FMO1: variants seen among roughly 807,000 people sequenced by gnomAD.
FMO1 encodes flavin containing dimethylaniline monoxygenase 1, also known as flavin-containing monooxygenase 1.
Under a neutral mutation model 45.4 loss-of-function variants are expected in FMO1, and 36 were observed. The observed-to-expected ratio is 0.79, with a 90% CI of 0.61 to 1.05. The LOEUF (loss-of-function observed/expected upper bound fraction) is 1.05. FMO1 is among the 50% of genes least tolerant of loss of function. FMO1 has a pLI of 0.00. For synonymous variants in FMO1, 228 were observed against 227.2 expected, an observed-to-expected ratio of 1.00 and a Z score of -0.03; for missense variants, 615 against 640.3, an observed-to-expected ratio of 0.96 and a Z score of 0.43.
intron 7 of FMO1, chr1:171,282,614 T>A (rs1043517814): frequency 3.0e-4 from 89 of 295,498 alleles, no homozygotes; most frequent in Admixed American, 1.0e-3. Flanking sequence ...TTTTTTCTTT[T>A]TTATTTTTAA....
intron 1 of FMO1, among the ~76,000 whole-genome samples, chr1:171,249,229 A>T (rs1165200815): frequency 6.6e-6 from 1 of 152,162 alleles, no homozygotes; most frequent in African/African-American, 2.4e-5. Context: ...TGCTCCAGTT[A>T]AATTCACAAG....
intron 1 of FMO1, among the ~76,000 whole-genome samples, chr1:171,249,283 G>T (rs1659771821): frequency 1.3e-5 from 2 of 152,054 alleles, no homozygotes; most frequent in Admixed American, 1.3e-4. Context: ...AGATATTCAG[G>T]TCTATGCCAT....
intron 4 of FMO1, among the ~76,000 whole-genome samples, chr1:171,277,694 C>G (rs1661165130): frequency 1.3e-5 from 2 of 152,206 alleles, no homozygotes; most frequent in African/African-American, 4.8e-5. Context: ...CAACAGTTCT[C>G]TGATCCATAT....
At chr1:171,256,159 G>A (rs1270749771) in intron 1 of FMO1, among the ~76,000 whole-genome samples, 1 of 150,822 alleles carries the variant, frequency 6.6e-6, no homozygotes, top group Non-Finnish European at 1.5e-5. Context: ...TGTAGTCCCA[G>A]CTATTCAGGA....
intron 1 of FMO1, 100 bp from the exon 2 acceptor site, chr1:171,257,982 A>T: frequency 7.3e-7 from 1 of 1,376,696 alleles, no homozygotes; most frequent in South Asian, 1.2e-5. Context: ...AAACTGAGCA[A>T]ATCGCCTAAT....
rs1301142010 is a variant in FMO1, at chr1:171,249,961, C to T, written c.-7+1338C>T. ...ATAAACTCGGAAAATAAAACTCTTGCCCAGAAGTTTTCAACTTTCTAGGTT... is the reference window on the plus strand; with the variant it reads ...ATAAACTCGGAAAATAAAACTCTTGTCCAGAAGTTTTCAACTTTCTAGGTT... On this transcript the variant is annotated intron_variant, in intron 1 of 8. Transcript: ENST00000617670. 3.3e-5 allele frequency among the ~76,000 whole-genome samples: 5 copies of T among 152,022 alleles called. No homozygotes were observed. The East Asian group carries it at 9.6e-4, about 29-fold the overall frequency.
intron 2 of FMO1, among the ~76,000 whole-genome samples, chr1:171,262,526 G>A (rs1255830021): frequency 1.3e-5 from 2 of 152,088 alleles, no homozygotes; most frequent in Non-Finnish European, 2.9e-5. Flanking sequence ...AACAAACATT[G>A]ATTGAAACCC....
intron 2 of FMO1, among the ~76,000 whole-genome samples, chr1:171,258,513 C>T (rs531989028): frequency 2.3e-4 from 35 of 152,172 alleles, no homozygotes; most frequent in Non-Finnish European, 3.7e-4. Context: ...GCCAGGAAAG[C>T]CTAGGAGCAA....
intron 1 of FMO1, among the ~76,000 whole-genome samples, chr1:171,250,605 C>G (rs1558000262): frequency 6.6e-6 from 1 of 152,034 alleles, no homozygotes; most frequent in African/African-American, 2.4e-5. Context: ...ATAAAATTCA[C>G]AAAAAAGCAT....
chr1:171,282,786 G>C, intron 7 of FMO1: 1 of 256,708 alleles, frequency 3.9e-6, no homozygotes, highest in Non-Finnish European at 7.3e-6. Context: ...ACAGCTACCT[G>C]TTATTTTGAC....
chr1:171,281,967 T>G lies in FMO1; in HGVS notation c.828-11T>G. ...CTGACAAGTCTCCTCCCTGTTCATG[T>G]TTTTGTTTAGGACTCAGCTGAAAGA... On this transcript the variant is annotated splice_polypyrimidine_tract_variant and intron_variant, in intron 6 of 8. Coordinates refer to ENST00000617670, the MANE Select transcript of FMO1 (RefSeq NM_001282693.2). 2 of 1,554,662 alleles carry G rather than the reference T, an allele frequency of 1.3e-6. No individual in the cohort carries two copies. Among genetic ancestry groups the G allele is most frequent in the South Asian group, 2.3e-5 (2 of 85,700 alleles).
chr1:171,254,759 T>C (rs1158423113), intron 1 of FMO1, among the ~76,000 whole-genome samples: 1 of 152,154 alleles, frequency 6.6e-6, no homozygotes, highest in Admixed American at 6.5e-5. Context: ...TTTCTTCCCT[T>C]CTCTGCCCAC....
At chr1:171,270,863 C>T (rs1660827946) in intron 3 of FMO1, 2 of 700,626 alleles carry the variant, frequency 2.9e-6, no homozygotes, top group East Asian at 2.9e-5. Context: ...CACAGACTTA[C>T]ATTTCCATTT....
At chr1:171,282,371 T>C in intron 7 of FMO1, 38 bp downstream of exon 7, 2 of 1,345,410 alleles carry the variant, frequency 1.5e-6, no homozygotes, top group Non-Finnish European at 2.1e-6. Context: ...GTTTTTGGTG[T>C]GCCATGTGAT....
chr1:171,260,758 C>T (rs577084364), intron 2 of FMO1, among the ~76,000 whole-genome samples: 2 of 151,480 alleles, frequency 1.3e-5, no homozygotes, highest in South Asian at 4.2e-4. Flanking sequence ...TGGCGAAATC[C>T]CATCTCTACT....
chr1:171,267,950 A>G (rs1217597050), intron 3 of FMO1, among the ~76,000 whole-genome samples: 1 of 152,200 alleles, frequency 6.6e-6, no homozygotes, highest in Non-Finnish European at 1.5e-5. Context: ...ATAAAATTTT[A>G]GTTTGCAATA....
chr1:171,268,193 T>A (rs542602588), intron 3 of FMO1, among the ~76,000 whole-genome samples: 1 of 152,200 alleles, frequency 6.6e-6, no homozygotes, highest in Non-Finnish European at 1.5e-5. Context: ...CTCAGGTGAT[T>A]CTCCCACCTC....
chr1:171,271,031 C>A, intron 3 of FMO1: 1 of 1,002,868 alleles, frequency 1.0e-6, no homozygotes, highest in Non-Finnish European at 1.5e-6. Context: ...TCTTCCTCCT[C>A]TTCCTTCTTT....
intron 2 of FMO1, among the ~76,000 whole-genome samples, chr1:171,261,775 T>C (rs929490720): frequency 6.6e-5 from 10 of 152,176 alleles, no homozygotes; most frequent in African/African-American, 1.2e-4. Context: ...CCGCATTTCA[T>C]TGGATACTCA....
Sources: allele counts gnomAD v4.1 joint callset (sites outside exome capture counted in the v4.1 genomes callset), GRCh38; gene constraint gnomAD v4.1.1; transcripts MANE v1.5; gene names NCBI Gene and HGNC (gene_info 2026-07-23, HGNC 2026-07-21).